The following MTMR3 variants were observed in gnomAD, a reference collection of about 807,000 sequenced individuals.
The protein encoded by MTMR3 is phosphatidylinositol-3,5-bisphosphate 3-phosphatase MTMR3.
In MTMR3, 32 loss-of-function variants were observed where a neutral mutation model predicts 132.4. That is an observed-to-expected ratio of 0.24 (90% CI 0.18 to 0.32). MTMR3 has a LOEUF of 0.32. Among genes scored for constraint, MTMR3 ranks in the 10% least tolerant of loss-of-function variants. MTMR3 has a pLI of 1.00. For missense variants in MTMR3, 1,216 were observed against 1,489.6 expected (o/e 0.82, Z 3.02); for synonymous variants, 556 against 550.3 (o/e 1.01, Z -0.14).
At chr22:29,967,358 C>T (rs909378957) in intron 2 of MTMR3, among the ~76,000 whole-genome samples, 2 of 151,818 alleles carry the variant, frequency 1.3e-5, no homozygotes, top group Non-Finnish European at 2.9e-5. Context: ...CCACATCAGC[C>T]TCCCAAGTGG....
chr22:29,949,812 T>C (rs2066038998), intron 1 of MTMR3, among the ~76,000 whole-genome samples: 1 of 152,124 alleles, frequency 6.6e-6, no homozygotes, highest in Non-Finnish European at 1.5e-5. Context: ...AAATTATGTA[T>C]GTTTAAGAGG....
intron 19 of MTMR3, chr22:30,023,137 G>A: frequency 2.3e-6 from 1 of 431,508 alleles, no homozygotes; most frequent in Non-Finnish European, 4.2e-6. Context: ...AGCTTGGGAA[G>A]TAGTAGAGAC....
chr22:30,017,798 G>C (rs924982609), intron 15 of MTMR3, 129 bp from the exon 16 acceptor site: 1 of 1,179,402 alleles, frequency 8.5e-7, no homozygotes, highest in Non-Finnish European at 1.2e-6. Flanking sequence ...CATTGGTGCT[G>C]CTTCTTTGTG....
At chr22:29,928,399 T>C (rs2065569267) in intron 1 of MTMR3, among the ~76,000 whole-genome samples, 1 of 152,060 alleles carries the variant, frequency 6.6e-6, no homozygotes, top group East Asian at 1.9e-4. Context: ...CTCGAACTCC[T>C]GACCTCAGGT....
At chr22:30,003,040 G>C (rs1407280434) in intron 9 of MTMR3, 47 bp downstream of exon 9, 1 of 1,443,370 alleles carries the variant, frequency 6.9e-7, no homozygotes, top group Non-Finnish European at 9.7e-7. Context: ...GCTGCTGCCT[G>C]CTGCATATGG....
At chr22:29,948,635 A>G (rs954555789) in intron 1 of MTMR3, among the ~76,000 whole-genome samples, 2 of 152,158 alleles carry the variant, frequency 1.3e-5, no homozygotes, top group African/African-American at 4.8e-5. Context: ...CTCTTAGGCA[A>G]CTGTGAAGGG....
intron 1 of MTMR3, among the ~76,000 whole-genome samples, chr22:29,886,521 G>A (rs111340012): frequency 3.9e-5 from 6 of 152,216 alleles, no homozygotes; most frequent in East Asian, 1.9e-4. Flanking sequence ...TTCTCTGGGC[G>A]TCAGTTTTCT....
intron 1 of MTMR3, among the ~76,000 whole-genome samples, chr22:29,945,999 A>G (rs997977298): frequency 7.4e-6 from 1 of 134,798 alleles, no homozygotes; most frequent in Admixed American, 7.8e-5. Context: ...CAATTGTAAA[A>G]CTTGTGTGTG....
chr22:29,934,921 G>T (rs1358042276), intron 1 of MTMR3, among the ~76,000 whole-genome samples: 2 of 152,294 alleles, frequency 1.3e-5, no homozygotes, highest in South Asian at 2.1e-4. Flanking sequence ...TCAGAGTTTG[G>T]TTTCGCTTAA....
chr22:30,024,851 G>C (rs986519485), intron 19 of MTMR3: 15 of 152,608 alleles, frequency 9.8e-5, no homozygotes, highest in African/African-American at 3.4e-4. Flanking sequence ...CTGCACAGAT[G>C]CCTCAGAACC....
chr22:30,007,398 A>G (rs1279261746), intron 10 of MTMR3, 79 bp downstream of exon 10: 1 of 1,357,854 alleles, frequency 7.4e-7, no homozygotes, highest in African/African-American at 1.4e-5. Context: ...CTTCCTTACA[A>G]GACATAGATT....
chr22:29,916,920 C>A (rs2065320183), intron 1 of MTMR3, among the ~76,000 whole-genome samples: 1 of 152,152 alleles, frequency 6.6e-6, no homozygotes, highest in African/African-American at 2.4e-5. Flanking sequence ...CAGTTGATTG[C>A]CAACACTATC....
At chr22:29,926,400 C>T (rs947429697) in intron 1 of MTMR3, among the ~76,000 whole-genome samples, 4 of 152,054 alleles carry the variant, frequency 2.6e-5, no homozygotes, top group Admixed American at 2.6e-4. Context: ...TGGGTATATA[C>T]CTAGGAGTGA....
In MTMR3 at chr22:29,967,241, G is replaced by GCA. The variant is rs1292038829; in HGVS notation, c.-84-3734_-84-3733insAC. On this transcript the variant is annotated intron_variant, in intron 2 of 19. Coordinates refer to ENST00000401950, the MANE Select transcript of MTMR3 (RefSeq NM_021090.4). ...TGTGTGTGTGTGTGTGTGCATGCGC[G>GCA]CGCGCGCGCATGTTTTTTAGAGACA... Among the ~76,000 whole-genome samples, 5 of 146,462 alleles carry GCA rather than the reference G, an allele frequency of 3.4e-5. No individual in the cohort carries two copies. The East Asian group carries it at 8.0e-4, about 23-fold the overall frequency.
intron 1 of MTMR3, among the ~76,000 whole-genome samples, chr22:29,917,692 G>A (rs2145761664): frequency 6.6e-6 from 1 of 152,354 alleles, no homozygotes; most frequent in Non-Finnish European, 1.5e-5. Flanking sequence ...AATAGTGCCA[G>A]TATTTATTGA....
At chr22:29,925,568 A>AC (rs929220132) in intron 1 of MTMR3, among the ~76,000 whole-genome samples, 5 of 152,132 alleles carry the variant, frequency 3.3e-5, no homozygotes, top group Non-Finnish European at 5.9e-5. Context: ...TAAAAAAAAA[A>AC]AAAACAGCTT....
At chr22:29,895,406 A>G (rs2090747709) in intron 1 of MTMR3, among the ~76,000 whole-genome samples, 1 of 152,222 alleles carries the variant, frequency 6.6e-6, no homozygotes, top group Admixed American at 6.5e-5. Flanking sequence ...CTGTAGTATA[A>G]AAATCCATGC....
chr22:29,960,479 A>G (rs1380396302), intron 2 of MTMR3, among the ~76,000 whole-genome samples: 1 of 152,246 alleles, frequency 6.6e-6, no homozygotes, highest in African/African-American at 2.4e-5. Context: ...CGCGAACAAA[A>G]AAGGAGACAG....
In MTMR3 at chr22:30,020,638, G is replaced by T. The variant is rs1288195800; in HGVS notation, c.2979G>T (p.Trp993Cys). 1.4e-5 allele frequency: 22 copies of T among 1,614,088 alleles called. No individual in the cohort carries two copies. The highest frequency in any genetic ancestry group is 1.9e-5 in the Non-Finnish European group (22 of 1,180,048). Reference sequence around the variant, plus strand: ...ACTCAAGGAACTTGCACCACAAGTGGCTGCATAGCCACTCAGGAAGGCCAT... The same window carrying T: ...ACTCAAGGAACTTGCACCACAAGTGTCTGCATAGCCACTCAGGAAGGCCAT... ...HLHSRNLHHK[W>C]LHSHSGRPSA... Residue 993 changes from tryptophan (W) to cysteine (C), a missense_variant, in exon 17 of 20, where the codon TGG becomes TGT. Coordinates refer to ENST00000401950, the MANE Select transcript of MTMR3 (RefSeq NM_021090.4).
Sources: gnomAD v4.1 joint callset for allele counts (sites outside exome capture counted in the v4.1 genomes callset) on GRCh38, gnomAD v4.1.1 for gene constraint, MANE v1.5 for transcripts, NCBI Gene and HGNC (gene_info 2026-07-23, HGNC 2026-07-21) for gene names.